CSMD3: variants seen among roughly 807,000 people sequenced by gnomAD.
The protein encoded by CSMD3 is CUB and sushi domain-containing protein 3.
A neutral mutation model predicts 435.2 loss-of-function variants in CSMD3; 177 were observed. The ratio of observed to expected loss-of-function variants is 0.41; its 90% CI spans 0.36 to 0.46. The LOEUF is 0.46. Among genes scored for constraint, CSMD3 ranks in the 20% least tolerant of loss-of-function variants. CSMD3 has a pLI of 0.34. For synonymous variants in CSMD3, 1,656 were observed against 1,520.5 expected (o/e 1.09, Z -2.07); for missense variants, 4,265 against 4,504.6 (o/e 0.95, Z 1.52).
chr8:112,874,074 C>T (rs576016491), intron 10 of CSMD3, among the ~76,000 whole-genome samples: 19 of 152,094 alleles, frequency 1.2e-4, no homozygotes, highest in Non-Finnish European at 2.1e-4. Flanking sequence ...TTAAACATTG[C>T]TTTAGCTGTG....
Position 112,281,434 on chromosome 8 carries a change from T to C in CSMD3, c.9332-84A>G, listed in dbSNP as rs543917878. The C allele has an allele frequency of 7.3e-5, 77 of 1,056,842 alleles. No individual in the cohort carries two copies. The African/African-American group carries it at 1.1e-3, about 16-fold the overall frequency. 65.5% of individuals were successfully genotyped at this position (1,056,842 alleles called of 1,614,324 possible). A position where few individuals can be genotyped will look rare whatever the true frequency, so the allele number is the denominator to read the frequency against. Reference sequence around the variant, plus strand: ...AAAAGTTAATGACTAAACGATTCTTTCAAATTATTCAAAGAAGCAATAAAA... The same window carrying C: ...AAAAGTTAATGACTAAACGATTCTTCCAAATTATTCAAAGAAGCAATAAAA... On this transcript the variant is annotated intron_variant, in intron 58 of 70. Transcript: ENST00000297405.
intron 2 of CSMD3, among the ~76,000 whole-genome samples, chr8:113,289,638 T>C (rs1399874430): frequency 6.6e-6 from 1 of 151,408 alleles, no homozygotes; most frequent in Non-Finnish European, 1.5e-5. Flanking sequence ...TTGAGTCAAC[T>C]GACTTCCTCC....
At chr8:113,021,341 T>C (rs2086676965) in intron 5 of CSMD3, among the ~76,000 whole-genome samples, 1 of 152,344 alleles carries the variant, frequency 6.6e-6, no homozygotes, top group Non-Finnish European at 1.5e-5. Context: ...GAAAAACTAT[T>C]TGGATTTGTT....
intron 6 of CSMD3, among the ~76,000 whole-genome samples, chr8:113,017,632 A>G (rs2086517823): frequency 6.6e-6 from 1 of 151,992 alleles, no homozygotes; most frequent in Admixed American, 6.6e-5. Context: ...GAAAGGAATC[A>G]GAGCCACAGA....
chr8:112,576,105 G>C (rs1200679872), intron 23 of CSMD3, among the ~76,000 whole-genome samples: 1 of 151,900 alleles, frequency 6.6e-6, no homozygotes, highest in Non-Finnish European at 1.5e-5. Flanking sequence ...ATTTATGTGT[G>C]GATACATTGT....
intron 10 of CSMD3, among the ~76,000 whole-genome samples, chr8:112,911,925 AT>A (rs1465351602): frequency 5.5e-5 from 7 of 127,514 alleles, no homozygotes; most frequent in African/African-American, 1.8e-4. Context: ...TGAGGCATGA[AT>A]TTTTTCAAGT....
At chr8:113,231,165 T>A (rs968074386) in intron 3 of CSMD3, among the ~76,000 whole-genome samples, 1 of 151,468 alleles carries the variant, frequency 6.6e-6, no homozygotes, top group Non-Finnish European at 1.5e-5. Flanking sequence ...TAAATTAGAC[T>A]TGATCAGTAT....
chr8:112,638,654 T>A (rs763886947), intron 21 of CSMD3, 42 bp downstream of exon 21: 16 of 1,261,838 alleles, frequency 1.3e-5, no homozygotes, highest in Non-Finnish European at 1.8e-5. Context: ...ATTGCTTTTT[T>A]AAAAGTTACT....
rs190453361 is a variant in CSMD3, at chr8:112,662,377, C to A, written c.2816+3900G>T. 2.6e-3 allele frequency among the ~76,000 whole-genome samples: 395 copies of A among 152,146 alleles called. 1 individual carries two copies. Among genetic ancestry groups the A allele is most frequent in the Non-Finnish European group, 4.6e-3 (312 of 67,986 alleles). On this transcript the variant is annotated intron_variant, in intron 17 of 70. Coordinates refer to ENST00000297405, the MANE Select transcript of CSMD3 (RefSeq NM_198123.2). ...CCTCAGAAATAATGCCACATATCTA[C>A]AACTATCTGATCTTTGACAAACCTG...
At chr8:112,937,838 A>C (rs190835475) in intron 9 of CSMD3, among the ~76,000 whole-genome samples, 1 of 152,294 alleles carries the variant, frequency 6.6e-6, no homozygotes, top group East Asian at 1.9e-4. Flanking sequence ...TCAATGCAGC[A>C]AGTGATTCTT....
chr8:112,285,750 C>T (rs900535561), intron 58 of CSMD3, among the ~76,000 whole-genome samples: 1 of 151,810 alleles, frequency 6.6e-6, no homozygotes, highest in African/African-American at 2.4e-5. Flanking sequence ...AACAGAGTCT[C>T]GCTCTGTCAC....
At chr8:113,102,941 G>C (rs758532064) in intron 4 of CSMD3, among the ~76,000 whole-genome samples, 1 of 152,144 alleles carries the variant, frequency 6.6e-6, no homozygotes, top group Non-Finnish European at 1.5e-5. Flanking sequence ...GGAGGGATAA[G>C]AGAGGAAGGC....
chr8:112,333,024 A>G (rs1824211716), intron 45 of CSMD3, among the ~76,000 whole-genome samples: 1 of 152,222 alleles, frequency 6.6e-6, no homozygotes, highest in Non-Finnish European at 1.5e-5. Context: ...TTATACATAT[A>G]TAATATGACA....
intron 7 of CSMD3, among the ~76,000 whole-genome samples, chr8:112,959,356 A>G (rs1363611040): frequency 6.6e-6 from 1 of 151,960 alleles, no homozygotes; most frequent in African/African-American, 2.4e-5. Context: ...GTATACTCTA[A>G]CTTTGTATTT....
chr8:112,712,712 A>T (rs576351925), intron 13 of CSMD3, among the ~76,000 whole-genome samples: 1 of 152,162 alleles, frequency 6.6e-6, no homozygotes, highest in African/African-American at 2.4e-5. Flanking sequence ...CATAAGTCTT[A>T]CAAGGAATTC....
chr8:112,887,938 C>T (rs1202699005), intron 10 of CSMD3, among the ~76,000 whole-genome samples: 2 of 151,654 alleles, frequency 1.3e-5, no homozygotes, highest in African/African-American at 4.8e-5. Flanking sequence ...GGGTGGGAAG[C>T]TGTCCAACAT....
chr8:112,352,294 C>T, intron 39 of CSMD3, 122 bp downstream of exon 39: 1 of 1,463,080 alleles, frequency 6.8e-7, no homozygotes, highest in Non-Finnish European at 9.4e-7. Context: ...ATTGAGCACC[C>T]TTTTGACCTC....
In CSMD3 at chr8:112,978,585, G is replaced by A. The variant is rs73347955; in HGVS notation, c.1031-2437C>T. ...AAGAGCTATACTTCCCACCAACGGT[G>A]ATGAAGATTCAGTACTATTCCCTTA... On this transcript the variant is annotated intron_variant, in intron 6 of 70. Coordinates refer to ENST00000297405, the MANE Select transcript of CSMD3 (RefSeq NM_198123.2). 3.5e-3 allele frequency among the ~76,000 whole-genome samples: 539 copies of A among 152,060 alleles called. 3 individuals are homozygous for A. Among genetic ancestry groups the A allele is most frequent in the African/African-American group, 0.012 (503 of 41,524 alleles).
At chr8:112,902,207 C>T (rs2082124130) in intron 10 of CSMD3, among the ~76,000 whole-genome samples, 2 of 151,168 alleles carry the variant, frequency 1.3e-5, no homozygotes, top group South Asian at 2.1e-4. Flanking sequence ...GGCAAGACTA[C>T]CAAGCACACT....
Sources: allele counts gnomAD v4.1 joint callset (sites outside exome capture counted in the v4.1 genomes callset), GRCh38; gene constraint gnomAD v4.1.1; transcripts MANE v1.5; gene names NCBI Gene and HGNC (gene_info 2026-07-23, HGNC 2026-07-21).